The following ARMH3 variants were observed in gnomAD, a reference collection of about 807,000 sequenced individuals.
ARMH3 encodes armadillo like helical domain containing 3.
A neutral mutation model predicts 99.1 loss-of-function variants in ARMH3; 60 were observed. That is an observed-to-expected ratio of 0.61 (90% CI 0.49 to 0.75). The LOEUF (loss-of-function observed/expected upper bound fraction) is 0.75, where lower values mean the gene tolerates loss of function less well. Among genes scored for constraint, ARMH3 ranks in the 30% least tolerant of loss-of-function variants. The probability of loss-of-function intolerance (pLI) is 0.00; values close to 1 mark genes in which losing one functional copy is unlikely to be tolerated. For missense variants in ARMH3, 679 were observed against 843.1 expected, an observed-to-expected ratio of 0.81 and a Z score of 2.41; for synonymous variants, 285 against 292.8, an observed-to-expected ratio of 0.97 and a Z score of 0.27.
In ARMH3 at chr10:101,941,030, A is replaced by G. The variant is rs767192027; in HGVS notation, c.1706-1092T>C. ...GCCAGGCACTGGACCAACTTAGGTT[A>G]TATGTAATGTAGCATACAGATGAGG... On this transcript the variant is annotated intron_variant, in intron 22 of 25. Coordinates refer to ENST00000370033, the MANE Select transcript of ARMH3 (RefSeq NM_024541.3). Among the ~76,000 whole-genome samples, 16 of 152,250 alleles carry G rather than the reference A, an allele frequency of 1.1e-4. 1 individual carries two copies. The highest frequency in any genetic ancestry group is 3.3e-4 in the Admixed American group (5 of 15,284).
At chr10:101,955,838 T>C (rs919748457) in intron 22 of ARMH3, among the ~76,000 whole-genome samples, 1 of 152,240 alleles carries the variant, frequency 6.6e-6, no homozygotes, top group African/African-American at 2.4e-5. Flanking sequence ...ATGATTGTGA[T>C]AGTTTCACAT....
chr10:102,024,619 T>C (rs1276630781), intron 6 of ARMH3, among the ~76,000 whole-genome samples: 1 of 150,320 alleles, frequency 6.7e-6, no homozygotes. Context: ...AAGATCAGGC[T>C]GGCCAACATG....
chr10:101,906,847 G>A (rs1842653723), intron 23 of ARMH3, among the ~76,000 whole-genome samples: 1 of 152,142 alleles, frequency 6.6e-6, no homozygotes, highest in Non-Finnish European at 1.5e-5. Flanking sequence ...CAGCTGTGAA[G>A]AATCAGATAT....
At chr10:101,886,482 C>T (rs1412617178) in intron 24 of ARMH3, among the ~76,000 whole-genome samples, 14 of 152,066 alleles carry the variant, frequency 9.2e-5, no homozygotes, top group Admixed American at 9.2e-4. Flanking sequence ...TGTACTCCAG[C>T]CTGGGTGACA....
chr10:102,031,329 T>C (rs1028959364), intron 4 of ARMH3, among the ~76,000 whole-genome samples: 11 of 152,206 alleles, frequency 7.2e-5, no homozygotes, highest in Non-Finnish European at 1.3e-4. Flanking sequence ...GTAAAGTACT[T>C]AGTCCCTGGA....
intron 23 of ARMH3, among the ~76,000 whole-genome samples, chr10:101,935,935 T>C (rs932880964): frequency 2.6e-5 from 4 of 152,228 alleles, no homozygotes; most frequent in African/African-American, 9.6e-5. Flanking sequence ...CTGACACAGG[T>C]TGTTTTCTAA....
At position 101,973,359 on chromosome 10, in the gene ARMH3, CAAAAAAAAAAAAA is replaced by C. The variant is rs56712768; in HGVS notation, c.1495+1840_1495+1852del. On this transcript the variant is annotated intron_variant, in intron 20 of 25. Transcript: ENST00000370033. ...TGGGCGACAGAGCGAGACTCCGTCTCAAAAAAAAAAAAAAAAAAAGAAAAAAGATAATCGCTTG... is the reference window on the plus strand; with the variant it reads ...TGGGCGACAGAGCGAGACTCCGTCTCAAAAAAGAAAAAAGATAATCGCTTG... Among the ~76,000 whole-genome samples, 3 of 80,158 alleles carry C rather than the reference CAAAAAAAAAAAAA, an allele frequency of 3.7e-5. No individual in the cohort carries two copies. The Admixed American group carries it at 3.9e-4, about 10-fold the overall frequency. The allele number at this position is 80,158 out of a possible 152,430, so 52.6% of individuals were successfully genotyped here.
intron 23 of ARMH3, among the ~76,000 whole-genome samples, chr10:101,895,749 TA>T (rs1216770072): frequency 2.0e-5 from 3 of 152,126 alleles, no homozygotes; most frequent in Non-Finnish European, 4.4e-5. Flanking sequence ...ATCCACAGAA[TA>T]AGAGAAAATA....
chr10:101,937,067 GA>G (rs1222592113), intron 23 of ARMH3, among the ~76,000 whole-genome samples: 1 of 152,030 alleles, frequency 6.6e-6, no homozygotes, highest in East Asian at 1.9e-4. Flanking sequence ...AGAGACAAAA[GA>G]AAAAAATAAG....
At chr10:101,900,750 G>C (rs1408414098) in intron 23 of ARMH3, among the ~76,000 whole-genome samples, 1 of 152,194 alleles carries the variant, frequency 6.6e-6, no homozygotes, top group East Asian at 1.9e-4. Context: ...GGGACGCCCA[G>C]GTGGGAGAAC....
At chr10:101,895,728 G>C (rs1414899451) in intron 23 of ARMH3, among the ~76,000 whole-genome samples, 1 of 152,192 alleles carries the variant, frequency 6.6e-6, no homozygotes, top group African/African-American at 2.4e-5. Context: ...CATCAAGAAA[G>C]TGAAAGGACA....
At chr10:101,991,498 G>C (rs144145456) in intron 18 of ARMH3, among the ~76,000 whole-genome samples, 1 of 151,728 alleles carries the variant, frequency 6.6e-6, no homozygotes, top group African/African-American at 2.4e-5. Flanking sequence ...CTCCTGCCTC[G>C]GCCTCCTGAG....
intron 1 of ARMH3, among the ~76,000 whole-genome samples, chr10:102,042,148 T>C (rs1352880792): frequency 6.6e-6 from 1 of 152,238 alleles, no homozygotes; most frequent in Non-Finnish European, 1.5e-5. Flanking sequence ...CTTTTAAACA[T>C]GTTGTCAAGA....
intron 22 of ARMH3, among the ~76,000 whole-genome samples, chr10:101,947,598 C>T (rs1419423772): frequency 1.3e-5 from 2 of 151,886 alleles, no homozygotes; most frequent in Non-Finnish European, 2.9e-5. Context: ...GTTGGGAGTT[C>T]AAAACCAGCC....
At chr10:101,966,939 T>C (rs1207322784) in intron 20 of ARMH3, among the ~76,000 whole-genome samples, 1 of 151,982 alleles carries the variant, frequency 6.6e-6, no homozygotes, top group Non-Finnish European at 1.5e-5. Flanking sequence ...TAAAACCAAG[T>C]GAATGACATT....
At chr10:101,847,789 G>A (rs541412318) in intron 25 of ARMH3, among the ~76,000 whole-genome samples, 169 bp from the exon 26 acceptor site, 23 of 152,324 alleles carry the variant, frequency 1.5e-4, no homozygotes, top group South Asian at 1.0e-3. Context: ...TGAGCAAACA[G>A]TTCCTTGACA....
chr10:102,000,908 C>T (rs1428178744), intron 15 of ARMH3, among the ~76,000 whole-genome samples: 4 of 152,190 alleles, frequency 2.6e-5, no homozygotes, highest in African/African-American at 9.6e-5. Context: ...CCTCCACCTC[C>T]CGGGTTCAAG....
intron 18 of ARMH3, among the ~76,000 whole-genome samples, chr10:101,991,240 C>T (rs1846774994): frequency 6.6e-6 from 1 of 152,190 alleles, no homozygotes; most frequent in African/African-American, 2.4e-5. Flanking sequence ...GACAAAATTA[C>T]CCAAGATACA....
chr10:101,883,368 G>C (rs967754882), intron 24 of ARMH3, among the ~76,000 whole-genome samples: 1 of 151,976 alleles, frequency 6.6e-6, no homozygotes, highest in Non-Finnish European at 1.5e-5. Flanking sequence ...AGTAAGCAAT[G>C]ATCACTCCAT....
Sources: gnomAD v4.1 joint callset for allele counts (sites outside exome capture counted in the v4.1 genomes callset) on GRCh38, gnomAD v4.1.1 for gene constraint, MANE v1.5 for transcripts, NCBI Gene and HGNC (gene_info 2026-07-23, HGNC 2026-07-21) for gene names.